BBS9: variants seen among roughly 807,000 people sequenced by gnomAD.
The protein encoded by BBS9 is protein PTHB1.
Under a neutral mutation model 117.7 loss-of-function variants are expected in BBS9, and 89 were observed. That is an observed-to-expected ratio of 0.76 (90% CI 0.64 to 0.90). The LOEUF (loss-of-function observed/expected upper bound fraction) is 0.90. BBS9 is among the 40% of genes least tolerant of loss of function. BBS9 has a pLI of 0.00. For synonymous variants in BBS9, 379 were observed against 370.9 expected (o/e 1.02, Z -0.25); for missense variants, 982 against 1,042.2 (o/e 0.94, Z 0.80).
chr7:33,374,081 A>G (rs1316220837), intron 17 of BBS9, among the ~76,000 whole-genome samples: 1 of 152,222 alleles, frequency 6.6e-6, no homozygotes, highest in African/African-American at 2.4e-5. Context: ...ACAAACAGGT[A>G]AAGAGAACCA....
intron 19 of BBS9, among the ~76,000 whole-genome samples, chr7:33,496,974 C>T (rs545249261): frequency 2.0e-5 from 3 of 152,256 alleles, no homozygotes; most frequent in East Asian, 1.9e-4. Flanking sequence ...TATTGCAAAG[C>T]CTTTGCCATG....
chr7:33,226,689 T>A (rs1315289073), intron 5 of BBS9, among the ~76,000 whole-genome samples: 1 of 152,166 alleles, frequency 6.6e-6, no homozygotes, highest in Non-Finnish European at 1.5e-5. Context: ...ATATGTACAA[T>A]GGAATATTAT....
At chr7:33,444,248 A>G (rs1391445223) in intron 19 of BBS9, among the ~76,000 whole-genome samples, 2 of 152,206 alleles carry the variant, frequency 1.3e-5, no homozygotes. Context: ...TGATACCTCA[A>G]GGATCATTCT....
At chr7:33,618,390 G>A (rs1029813333) in intron 21 of BBS9, among the ~76,000 whole-genome samples, 1 of 151,718 alleles carries the variant, frequency 6.6e-6, no homozygotes, top group African/African-American at 2.4e-5. Flanking sequence ...GAAAACCTAT[G>A]AAAGTATAAA....
At chr7:33,261,177 C>G (rs528826327) in intron 6 of BBS9, among the ~76,000 whole-genome samples, 1 of 152,152 alleles carries the variant, frequency 6.6e-6, no homozygotes, top group South Asian at 2.1e-4. Flanking sequence ...TTCAGTTCTT[C>G]CCTGACCTAG....
chr7:33,436,107 A>G (rs1229802541), intron 19 of BBS9, among the ~76,000 whole-genome samples: 2 of 152,174 alleles, frequency 1.3e-5, no homozygotes, highest in Non-Finnish European at 2.9e-5. Context: ...CTAACTTCCA[A>G]GTAGGTTGCT....
chr7:33,461,730 CTGAA>C (rs1401074819), intron 19 of BBS9, among the ~76,000 whole-genome samples: 5 of 151,988 alleles, frequency 3.3e-5, no homozygotes, highest in African/African-American at 4.8e-5. Flanking sequence ...AATATTTACT[CTGAA>C]TGGGAAGAAA....
At chr7:33,584,150 C>G (rs914898736) in intron 21 of BBS9, among the ~76,000 whole-genome samples, 7 of 151,924 alleles carry the variant, frequency 4.6e-5, no homozygotes, top group African/African-American at 1.7e-4. Context: ...GAGAAATGAT[C>G]AATATTTTTA....
chr7:33,190,669 A>G (rs1199217874), intron 5 of BBS9, among the ~76,000 whole-genome samples: 1 of 152,122 alleles, frequency 6.6e-6, no homozygotes, highest in Non-Finnish European at 1.5e-5. Context: ...TTTACTTGTC[A>G]CATTCTAGTC....
intron 21 of BBS9, among the ~76,000 whole-genome samples, chr7:33,542,525 T>G (rs1225909899): frequency 6.6e-6 from 1 of 152,162 alleles, no homozygotes; most frequent in African/African-American, 2.4e-5. Context: ...TGTATCATTC[T>G]TATGCATTTG....
At chr7:33,606,210 A>T (rs1292215666), downstream of BBS9, 1 of 152,218 alleles carries the variant, frequency 6.6e-6, no homozygotes, top group Non-Finnish European at 1.5e-5. Flanking sequence ...TCAAAATAAC[A>T]TCATTATGAT....
intron 5 of BBS9, among the ~76,000 whole-genome samples, chr7:33,185,651 A>T (rs1407296885): frequency 2.0e-5 from 3 of 152,178 alleles, no homozygotes; most frequent in Non-Finnish European, 2.9e-5. Flanking sequence ...TTTTAATTGG[A>T]AAGCTTCCCT....
chr7:33,588,854 G>A (rs1861399913), intron 21 of BBS9, among the ~76,000 whole-genome samples: 1 of 152,112 alleles, frequency 6.6e-6, no homozygotes, highest in African/African-American at 2.4e-5. Context: ...AATGGGCCTG[G>A]TGTGTTCCAG....
intron 5 of BBS9, among the ~76,000 whole-genome samples, chr7:33,210,630 G>A (rs554535116): frequency 4.5e-4 from 68 of 152,220 alleles, no homozygotes; most frequent in South Asian, 2.9e-3. Context: ...CTCGCCTCCC[G>A]GGTTCAAGCG....
At chr7:33,569,700 T>G (rs1271909699) in intron 21 of BBS9, among the ~76,000 whole-genome samples, 2 of 151,662 alleles carry the variant, frequency 1.3e-5, no homozygotes, top group East Asian at 1.9e-4. Flanking sequence ...AGGAGGAAAT[T>G]GCAATGAGCC....
At chr7:33,535,288 GT>G (rs1456872712) in intron 21 of BBS9, among the ~76,000 whole-genome samples, 1 of 152,128 alleles carries the variant, frequency 6.6e-6, no homozygotes, top group African/African-American at 2.4e-5. Context: ...GGCCCTATGA[GT>G]TTATCAAGCA....
intron 17 of BBS9, among the ~76,000 whole-genome samples, chr7:33,374,302 G>A (rs1037599494): frequency 2.0e-5 from 3 of 152,062 alleles, no homozygotes; most frequent in Non-Finnish European, 4.4e-5. Context: ...TTTCTTGTGT[G>A]CTGAAAGTTC....
In BBS9 at chr7:33,391,503, T is replaced by C. The variant is rs150812514; in HGVS notation, c.2115+3359T>C. Among the ~76,000 whole-genome samples the C allele has an allele frequency of 2.7e-3, 404 of 152,354 alleles. 2 individuals are homozygous for C. The highest frequency in any genetic ancestry group is 4.6e-3 in the Non-Finnish European group (312 of 68,034). Reference sequence around the variant, plus strand: ...AGATTGTAGCTCAACCAATAGTGTATGAAAATGCCTGCTTTCCTAGGTATT... The same window carrying C: ...AGATTGTAGCTCAACCAATAGTGTACGAAAATGCCTGCTTTCCTAGGTATT... On this transcript the variant is annotated intron_variant, in intron 19 of 22. Coordinates refer to ENST00000242067, the MANE Select transcript of BBS9 (RefSeq NM_198428.3).
intron 2 of BBS9, among the ~76,000 whole-genome samples, chr7:33,151,850 C>G (rs370229036): frequency 1.2e-5 from 1 of 82,352 alleles, no homozygotes; most frequent in Non-Finnish European, 2.3e-5. Context: ...TGCACCCAGC[C>G]TTTTTTTTTT....
Sources: allele counts gnomAD v4.1 joint callset (sites outside exome capture counted in the v4.1 genomes callset), GRCh38; gene constraint gnomAD v4.1.1; transcripts MANE v1.5; gene names NCBI Gene and HGNC (gene_info 2026-07-23, HGNC 2026-07-21).